Variants in DSCC1 observed in about 807,000 individuals in gnomAD.
DSCC1 encodes the protein DNA replication and sister chromatid cohesion 1.
A neutral mutation model predicts 48.2 loss-of-function variants in DSCC1; 32 were observed. The observed-to-expected ratio is 0.66, with a 90% CI of 0.50 to 0.89. The LOEUF is 0.89. Ranked by LOEUF, DSCC1 falls within the 40% of genes least tolerant of loss-of-function variation. The pLI is 0.00. For missense variants in DSCC1, 421 were observed against 471.7 expected, an observed-to-expected ratio of 0.89 and a Z score of 1.00; for synonymous variants, 150 against 171.5, an observed-to-expected ratio of 0.87 and a Z score of 0.98.
At chr8:119,850,649 G>T in intron 2 of DSCC1, 133 bp from the exon 3 acceptor site, 1 of 748,498 alleles carries the variant, frequency 1.3e-6, no homozygotes, top group Non-Finnish European at 2.0e-6. Flanking sequence ...GTATCAGGAA[G>T]GTATTTATCC....
At chr8:119,846,937 T>A in intron 4 of DSCC1, 53 bp downstream of exon 4, 1 of 1,524,738 alleles carries the variant, frequency 6.6e-7, no homozygotes, top group South Asian at 1.1e-5. Flanking sequence ...AAAACTTCTC[T>A]CCCTTATGAT....
intron 2 of DSCC1, among the ~76,000 whole-genome samples, chr8:119,852,032 AT>A (rs1268663640): frequency 6.6e-6 from 1 of 152,166 alleles, no homozygotes; most frequent in Non-Finnish European, 1.5e-5. Flanking sequence ...AACCTAGTAT[AT>A]TTACTGGATG....
chr8:119,836,790 T>C (rs1017316927), intron 8 of DSCC1, among the ~76,000 whole-genome samples: 1 of 151,962 alleles, frequency 6.6e-6, no homozygotes, highest in Non-Finnish European at 1.5e-5. Context: ...AGGAAAAGTA[T>C]AAACAGAAGA....
At chr8:119,850,634 G>T in intron 2 of DSCC1, 118 bp from the exon 3 acceptor site, 1 of 891,998 alleles carries the variant, frequency 1.1e-6, no homozygotes, top group Non-Finnish European at 1.6e-6. Context: ...AAGGTATTCT[G>T]CTTTGTATCA....
intron 3 of DSCC1, 27 bp from the exon 4 acceptor site, chr8:119,847,107 G>T: frequency 1.3e-6 from 2 of 1,583,120 alleles, no homozygotes; most frequent in Non-Finnish European, 1.7e-6. Flanking sequence ...ATATTTTAAG[G>T]CCTTTGAAGA....
chr8:119,842,783 T>A lies in DSCC1; in HGVS notation c.762A>T (p.Val254=). Residue 254 remains valine, a synonymous_variant, in exon 6 of 9, where the codon GTA becomes GTT. Transcript: ENST00000313655. ...HCLKCYGKKY[V]DEGEVYFELD... ...ATACTTTCCAAATCTTACCTTCATC[T>A]ACATATTTCTTCCCATAACATTTAA... The A allele has an allele frequency of 6.2e-7, 1 of 1,606,010 alleles. No individual in the cohort carries two copies. The highest frequency in any genetic ancestry group is 8.5e-7 in the Non-Finnish European group (1 of 1,176,004).
At chr8:119,835,822 A>C (rs1217873777) in intron 8 of DSCC1, among the ~76,000 whole-genome samples, 1 of 152,198 alleles carries the variant, frequency 6.6e-6, no homozygotes, top group Non-Finnish European at 1.5e-5. Context: ...TCTGTACCTC[A>C]AAGAGAAGAA....
intron 3 of DSCC1, among the ~76,000 whole-genome samples, chr8:119,848,335 C>A (rs969885141): frequency 3.3e-5 from 5 of 152,060 alleles, no homozygotes; most frequent in Non-Finnish European, 7.4e-5. Flanking sequence ...AAAGACAACC[C>A]ACAAAATGGG....
In DSCC1 at chr8:119,855,775, C is replaced by A; in HGVS notation, c.21G>T (p.Glu7Asp). 1 of 1,549,904 alleles carries A rather than the reference C, an allele frequency of 6.5e-7. No homozygotes were observed. The highest frequency in any genetic ancestry group is 2.5e-5 in the East Asian group (1 of 40,812). ...TGGCGATCTGCAGCGTCGCATCCAC[C>A]TCGTCGCGGGTCCTCTTCATCGCAG... MKRTRD[E>D]VDATLQIAKL... The change falls in exon 1 of 9, where the codon GAG becomes GAT. Residue 7 changes from glutamate to aspartate, a missense_variant. Physicochemically the swap from Glu to Asp is conservative, Grantham distance 45. Transcript: ENST00000313655.
At chr8:119,854,951 T>G (rs1354730385) in intron 1 of DSCC1, among the ~76,000 whole-genome samples, 3 of 152,198 alleles carry the variant, frequency 2.0e-5, no homozygotes, top group Non-Finnish European at 4.4e-5. Context: ...GGACCAATTG[T>G]GCAAAAGAGA....
chr8:119,850,903 A>C (rs1406421125), intron 2 of DSCC1, among the ~76,000 whole-genome samples: 2 of 152,210 alleles, frequency 1.3e-5, no homozygotes, highest in Non-Finnish European at 2.9e-5. Context: ...AACAGAGAAA[A>C]GGTATTATAG....
At chr8:119,848,448 A>G (rs1440686846) in intron 3 of DSCC1, among the ~76,000 whole-genome samples, 5 of 152,232 alleles carry the variant, frequency 3.3e-5, no homozygotes, top group African/African-American at 1.2e-4. Context: ...ATTAAAAATC[A>G]GGCAAAGAAA....
intron 4 of DSCC1, among the ~76,000 whole-genome samples, chr8:119,844,182 A>T (rs1485395718): frequency 6.6e-6 from 1 of 152,180 alleles, no homozygotes. Context: ...TCACTCCTGT[A>T]ATCCCAACAC....
chr8:119,849,717 T>C (rs1410796615), intron 3 of DSCC1, among the ~76,000 whole-genome samples: 1 of 152,170 alleles, frequency 6.6e-6, no homozygotes, highest in African/African-American at 2.4e-5. Flanking sequence ...AAAAAATTAT[T>C]CAATTGCATA....
At chr8:119,842,677 C>T in intron 6 of DSCC1, 99 bp downstream of exon 6, 1 of 1,108,144 alleles carries the variant, frequency 9.0e-7, no homozygotes, top group Non-Finnish European at 1.3e-6. Context: ...TGAGCCACTG[C>T]ACCCAGCCAG....
At chr8:119,840,543 A>G (rs943744679) in intron 7 of DSCC1, among the ~76,000 whole-genome samples, 5 of 152,228 alleles carry the variant, frequency 3.3e-5, no homozygotes, top group Admixed American at 2.0e-4. Flanking sequence ...GAAGCTATGA[A>G]GGTGATCCTG....
At chr8:119,844,552 T>C (rs1826823206) in intron 4 of DSCC1, among the ~76,000 whole-genome samples, 2 of 151,918 alleles carry the variant, frequency 1.3e-5, no homozygotes, top group Non-Finnish European at 1.5e-5. Context: ...AAGAGTACTT[T>C]ACATATGACT....
At chr8:119,837,222 T>A (rs1473144984) in intron 8 of DSCC1, among the ~76,000 whole-genome samples, 1 of 152,024 alleles carries the variant, frequency 6.6e-6, no homozygotes, top group Non-Finnish European at 1.5e-5. Flanking sequence ...GAGGGAGACA[T>A]TAATAACTCA....
chr8:119,853,262 AG>A, intron 1 of DSCC1, 47 bp from the exon 2 acceptor site: 1 of 1,550,516 alleles, frequency 6.4e-7, no homozygotes, highest in Non-Finnish European at 8.7e-7. Context: ...ACAATCCAGT[AG>A]CCATTTTCAT....
Sources: allele counts gnomAD v4.1 joint callset (sites outside exome capture counted in the v4.1 genomes callset), GRCh38; gene constraint gnomAD v4.1.1; transcripts MANE v1.5; gene names NCBI Gene and HGNC (gene_info 2026-07-23, HGNC 2026-07-21).